CUL2: variants seen among roughly 807,000 people sequenced by gnomAD.
The protein encoded by CUL2 is cullin 2.
In CUL2, 22 loss-of-function variants were observed where a neutral mutation model predicts 110.2. That is an observed-to-expected ratio of 0.20 (90% confidence interval 0.14 to 0.28). CUL2 has a LOEUF of 0.28. Ranked by LOEUF, CUL2 falls within the 10% of genes least tolerant of loss-of-function variation. The pLI is 1.00. For missense variants in CUL2, 631 were observed against 905.5 expected (o/e 0.70, Z 3.89); for synonymous variants, 279 against 293.2 (o/e 0.95, Z 0.49).
chr10:35,107,237 G>A (rs2135121534), intron 1 of CUL2, among the ~76,000 whole-genome samples: 1 of 152,004 alleles, frequency 6.6e-6, no homozygotes, highest in Admixed American at 6.6e-5. Flanking sequence ...GCCTCCCAAA[G>A]TGCTGGGATT....
intron 14 of CUL2, 60 bp from the exon 15 acceptor site, chr10:35,029,700 T>C (rs766047296): frequency 7.8e-7 from 1 of 1,281,142 alleles, no homozygotes; most frequent in African/African-American, 1.5e-5. Context: ...TCATATTGGT[T>C]AATAATAATG....
At chr10:35,051,930 T>C (rs1319793524) in intron 5 of CUL2, among the ~76,000 whole-genome samples, 3 of 152,210 alleles carry the variant, frequency 2.0e-5, no homozygotes, top group Admixed American at 1.3e-4. Flanking sequence ...ATCTTCTTTA[T>C]CATGGGTATT....
At chr10:35,072,372 C>CTT (rs150456156) in intron 1 of CUL2, among the ~76,000 whole-genome samples, 37 of 142,928 alleles carry the variant, frequency 2.6e-4, no homozygotes, top group African/African-American at 8.8e-4. Context: ...ACTTAATGGG[C>CTT]TTTTTTTTTT....
At chr10:35,052,509 T>C (rs1336314101) in intron 5 of CUL2, among the ~76,000 whole-genome samples, 2 of 152,220 alleles carry the variant, frequency 1.3e-5, no homozygotes, top group African/African-American at 4.8e-5. Flanking sequence ...TTCACTGTTG[T>C]ATTCAACATA....
intron 1 of CUL2, among the ~76,000 whole-genome samples, chr10:35,081,607 T>G (rs1210955322): frequency 6.6e-6 from 1 of 152,088 alleles, no homozygotes; most frequent in Non-Finnish European, 1.5e-5. Flanking sequence ...GAGAACAAAT[T>G]TTTTGGCTGT....
chr10:35,089,743 A>G (rs1028593416), intron 1 of CUL2, among the ~76,000 whole-genome samples: 1 of 152,202 alleles, frequency 6.6e-6, no homozygotes, highest in Non-Finnish European at 1.5e-5. Context: ...ACTCCTCCCC[A>G]AAGCTATCAA....
At chr10:35,112,599 T>C (rs1465486294) in intron 1 of CUL2, among the ~76,000 whole-genome samples, 1 of 152,154 alleles carries the variant, frequency 6.6e-6, no homozygotes, top group African/African-American at 2.4e-5. Flanking sequence ...CTCAAGTCTA[T>C]GGCTGAGTTT....
chr10:35,057,293 A>G (rs1169558802), intron 4 of CUL2, among the ~76,000 whole-genome samples: 1 of 152,010 alleles, frequency 6.6e-6, no homozygotes, highest in Non-Finnish European at 1.5e-5. Flanking sequence ...AAACTAACTT[A>G]CATTAACTAT....
chr10:35,058,695 G>A (rs779236298), intron 4 of CUL2, among the ~76,000 whole-genome samples: 4 of 152,022 alleles, frequency 2.6e-5, no homozygotes, highest in African/African-American at 9.7e-5. Flanking sequence ...AGATTTACTG[G>A]GCATTAATTA....
intron 5 of CUL2, among the ~76,000 whole-genome samples, chr10:35,050,803 T>C (rs1002385971): frequency 6.6e-6 from 1 of 152,380 alleles, no homozygotes; most frequent in South Asian, 2.1e-4. Context: ...GTATGCATCA[T>C]TTGGCCCACA....
intron 2 of CUL2, among the ~76,000 whole-genome samples, chr10:35,065,179 T>A (rs564727954): frequency 1.3e-5 from 2 of 152,200 alleles, no homozygotes; most frequent in African/African-American, 4.8e-5. Flanking sequence ...GAAGAACACC[T>A]ACGAAAATGA....
At position 35,039,000 on chromosome 10, in the gene CUL2, C is replaced by T. The variant is rs1224846579; in HGVS notation, c.797G>A (p.Cys266Tyr). 6.2e-7 allele frequency: 1 copy of T among 1,609,684 alleles called. No homozygotes were observed. Among genetic ancestry groups the T allele is most frequent in the Non-Finnish European group, 8.5e-7 (1 of 1,177,144 alleles). The change falls in exon 9 of 21, where the codon TGT (cysteine) becomes TAT (tyrosine). Residue 266 changes from cysteine to tyrosine, a missense_variant. This residue lies in a region of CUL2 where 338 missense variants were observed against 442.5 expected (regional missense o/e 0.76). Coordinates refer to ENST00000374749, the MANE Select transcript of CUL2 (RefSeq NM_003591.4). ...PSSYTKVIHECQQRMVADHLQ... is the reference protein window; with the variant it reads ...PSSYTKVIHEYQQRMVADHLQ... ...GTGGTCTGCTACCATTCGTTGTTGACATTCATGAATCACCTTAGTATATGA... is the reference window on the plus strand; with the variant it reads ...GTGGTCTGCTACCATTCGTTGTTGATATTCATGAATCACCTTAGTATATGA...
chr10:35,083,603 C>T (rs1393194734), intron 1 of CUL2, among the ~76,000 whole-genome samples: 2 of 152,126 alleles, frequency 1.3e-5, no homozygotes, highest in Non-Finnish European at 2.9e-5. Context: ...AAGGTGCTTT[C>T]CCCCCACAAA....
At chr10:35,096,628 A>T (rs544042241) in intron 2 of CUL2, among the ~76,000 whole-genome samples, 1 of 152,204 alleles carries the variant, frequency 6.6e-6, no homozygotes, top group South Asian at 2.1e-4. Context: ...AAACAAATAA[A>T]CAAAACTGTA....
chr10:35,108,285 T>C (rs2087487386), intron 1 of CUL2, among the ~76,000 whole-genome samples: 1 of 151,346 alleles, frequency 6.6e-6, no homozygotes, highest in African/African-American at 2.4e-5. Flanking sequence ...TGAGATCCTG[T>C]CTCTTCAAAA....
intron 1 of CUL2, 72 bp from the exon 2 acceptor site, chr10:35,071,411 T>A: frequency 7.3e-7 from 1 of 1,372,376 alleles, no homozygotes; most frequent in Non-Finnish European, 1.0e-6. Flanking sequence ...TTGTTTTTTG[T>A]TTGTTTGCTT....
intron 1 of CUL2, among the ~76,000 whole-genome samples, chr10:35,112,828 C>T (rs1229959162): frequency 6.6e-6 from 1 of 152,148 alleles, no homozygotes; most frequent in Admixed American, 6.6e-5. Flanking sequence ...CCGTTCTTTA[C>T]TTACACCAAT....
At position 35,044,825 on chromosome 10, in the gene CUL2, C is replaced by A. The variant is rs1287720581; in HGVS notation, c.550G>T (p.Val184Phe). The A allele has an allele frequency of 6.2e-6, 10 of 1,613,282 alleles. No individual in the cohort carries two copies. The highest frequency in any genetic ancestry group is 5.0e-5 in the Admixed American group (3 of 59,966). ...EDPNQKVIHG[V>F]INSFVHVEQY... Reference sequence around the variant, plus strand: ...TCAACATGAACAAAGGAGTTAATAACCCCATGGATTACTTTCTGGTTTGGG... The same window carrying A: ...TCAACATGAACAAAGGAGTTAATAAACCCATGGATTACTTTCTGGTTTGGG... The change falls in exon 7 of 21, where the codon GTT becomes TTT. Residue 184 changes from valine to phenylalanine, a missense_variant. Physicochemically the swap from Val to Phe is conservative, Grantham distance 50 (BLOSUM62 -1). Transcript: ENST00000374749.
Position 35,044,629 on chromosome 10 carries a change from C to T in CUL2, c.651G>A (p.Glu217=). 1 of 1,611,100 alleles carries T rather than the reference C, an allele frequency of 6.2e-7. No individual in the cohort carries two copies. Reference sequence around the variant, plus strand: ...AATTTGAAGCTTCTTGTTTGTAATACTCTCCTGTTTCAGTCAGAAAGGGAG... The same window carrying T: ...AATTTGAAGCTTCTTGTTTGTAATATTCTCCTGTTTCAGTCAGAAAGGGAG... ...FESPFLTETG[E]YYKQEASNLL... is the part of the protein sequence containing the mutation. The change falls in exon 8 of 21, where the codon GAG becomes GAA. Residue 217 remains glutamate (E), a synonymous_variant. Coordinates refer to ENST00000374749, the MANE Select transcript of CUL2 (RefSeq NM_003591.4).
Sources: gnomAD v4.1 joint callset for allele counts (sites outside exome capture counted in the v4.1 genomes callset) on GRCh38, gnomAD v4.1.1 for gene constraint, gnomAD v4.1.1 regional missense constraint, MANE v1.5 for transcripts, NCBI Gene and HGNC (gene_info 2026-07-23, HGNC 2026-07-21) for gene names.